Variants in STRN3 observed in about 807,000 individuals in gnomAD.
STRN3 encodes striatin-3.
In STRN3, 29 loss-of-function variants were observed where a neutral mutation model predicts 95.6. The ratio of observed to expected loss-of-function variants is 0.30; its 90% confidence interval spans 0.23 to 0.41. The LOEUF (loss-of-function observed/expected upper bound fraction) is 0.41. Among genes scored for constraint, STRN3 ranks in the 10% least tolerant of loss-of-function variants. The probability of loss-of-function intolerance (pLI) is 1.00; values close to 1 mark genes in which losing one functional copy is unlikely to be tolerated. For missense variants in STRN3, 890 were observed against 972.1 expected (o/e 0.92, Z 1.12); for synonymous variants, 331 against 357.6 (o/e 0.93, Z 0.84).
intron 9 of STRN3, among the ~76,000 whole-genome samples, chr14:30,917,539 C>T (rs1176604648): frequency 1.4e-5 from 2 of 148,038 alleles, no homozygotes; most frequent in Non-Finnish European, 3.0e-5. Flanking sequence ...AAAATCACCA[C>T]TAAATGCATA....
At chr14:30,953,757 A>G (rs776154496) in intron 3 of STRN3, among the ~76,000 whole-genome samples, 6 of 152,064 alleles carry the variant, frequency 3.9e-5, no homozygotes, top group South Asian at 2.1e-4. Context: ...AGCCCCCTAA[A>G]TAGCTGGGAC....
chr14:30,957,225 C>T (rs1305245936), intron 1 of STRN3, among the ~76,000 whole-genome samples: 1 of 152,072 alleles, frequency 6.6e-6, no homozygotes, highest in East Asian at 1.9e-4. Context: ...GAGGCCGAGG[C>T]GGGTGGATCA....
intron 5 of STRN3, among the ~76,000 whole-genome samples, chr14:30,938,803 AT>A (rs1413127090): frequency 6.6e-6 from 1 of 152,214 alleles, no homozygotes; most frequent in Non-Finnish European, 1.5e-5. Context: ...ATGGGGAAAT[AT>A]TTCAAATAGA....
chr14:30,949,938 T>C (rs1325355446), intron 4 of STRN3, among the ~76,000 whole-genome samples: 1 of 152,134 alleles, frequency 6.6e-6, no homozygotes, highest in Admixed American at 6.6e-5. Context: ...CTGTAGTTTT[T>C]ATCCAAGAGT....
chr14:30,966,670 C>T (rs1880526159), intron 1 of STRN3, among the ~76,000 whole-genome samples: 1 of 152,176 alleles, frequency 6.6e-6, no homozygotes, highest in Non-Finnish European at 1.5e-5. Context: ...TGGTCAAATT[C>T]TGGAGGGCTA....
At chr14:30,904,962 A>T (rs75742013) in intron 15 of STRN3, among the ~76,000 whole-genome samples, 18 of 105,386 alleles carry the variant, frequency 1.7e-4, no homozygotes, top group African/African-American at 6.9e-4. Flanking sequence ...TTCGTCAATT[A>T]AAAAAAAAAA....
At chr14:30,947,902 T>C (rs1185525826) in intron 4 of STRN3, among the ~76,000 whole-genome samples, 2 of 152,124 alleles carry the variant, frequency 1.3e-5, no homozygotes, top group East Asian at 3.8e-4. Flanking sequence ...TTGTGAATGG[T>C]TCTGTGACAA....
intron 9 of STRN3, among the ~76,000 whole-genome samples, chr14:30,918,036 T>C (rs1896784118): frequency 6.6e-6 from 1 of 152,150 alleles, no homozygotes; most frequent in Admixed American, 6.5e-5. Flanking sequence ...AAATCAATTT[T>C]GGAAAAAATG....
intron 8 of STRN3, among the ~76,000 whole-genome samples, chr14:30,924,011 C>G (rs938983409): frequency 5.9e-5 from 9 of 151,756 alleles, no homozygotes; most frequent in Non-Finnish European, 1.3e-4. Context: ...TTAATTCAAG[C>G]TCCTCCCAAA....
At chr14:30,903,267 C>CATAT (rs1281191893) in intron 15 of STRN3, among the ~76,000 whole-genome samples, 2 of 150,948 alleles carry the variant, frequency 1.3e-5, no homozygotes, top group Admixed American at 6.6e-5. Flanking sequence ...ATAAAAAATA[C>CATAT]ATATATATAT....
At chr14:30,952,530 T>C (rs981450518) in intron 3 of STRN3, among the ~76,000 whole-genome samples, 8 of 151,796 alleles carry the variant, frequency 5.3e-5, no homozygotes, top group Admixed American at 3.3e-4. Flanking sequence ...CAAAACCTCA[T>C]CTCTACAAAA....
At chr14:30,924,838 C>T (rs1896981666) in intron 8 of STRN3, among the ~76,000 whole-genome samples, 1 of 152,050 alleles carries the variant, frequency 6.6e-6, no homozygotes, top group Non-Finnish European at 1.5e-5. Context: ...AGCAGAGTGA[C>T]AGCCTGTCTC....
chr14:30,940,676 A>C (rs1194508971), intron 5 of STRN3, among the ~76,000 whole-genome samples: 1 of 152,198 alleles, frequency 6.6e-6, no homozygotes, highest in East Asian at 1.9e-4. Context: ...AATCCTTTCA[A>C]TCTGGAAACA....
intron 1 of STRN3, among the ~76,000 whole-genome samples, chr14:30,958,137 A>G (rs1424922876): frequency 1.3e-5 from 2 of 152,164 alleles, no homozygotes; most frequent in Non-Finnish European, 2.9e-5. Flanking sequence ...AGACAGCGAG[A>G]CCCTGTTTGT....
chr14:30,926,751 C>G (rs1878200079), intron 8 of STRN3, among the ~76,000 whole-genome samples: 1 of 151,768 alleles, frequency 6.6e-6, no homozygotes, highest in Admixed American at 6.6e-5. Context: ...GTGGAATGGG[C>G]TGAATAACAG....
intron 1 of STRN3, among the ~76,000 whole-genome samples, chr14:31,000,811 C>T (rs1882412358): frequency 6.6e-6 from 1 of 150,524 alleles, no homozygotes; most frequent in South Asian, 2.1e-4. Context: ...GTGGCTGGCA[C>T]ACAGCAGGGG....
chr14:31,020,882 G>C (rs890090570), intron 1 of STRN3, among the ~76,000 whole-genome samples: 1 of 151,978 alleles, frequency 6.6e-6, no homozygotes, highest in Non-Finnish European at 1.5e-5. Flanking sequence ...CTCCAGCCTC[G>C]GCAACAGAGT....
At chr14:30,947,594 T>C (rs1199674508) in intron 4 of STRN3, among the ~76,000 whole-genome samples, 3 of 151,956 alleles carry the variant, frequency 2.0e-5, no homozygotes, top group African/African-American at 7.2e-5. Context: ...CACATTGTTT[T>C]TAATTTACAC....
chr14:30,895,766 G>T lies in STRN3; in HGVS notation c.2138-18C>A. Reference sequence around the variant, plus strand: ...CATTTTACCTAAACAAAACATAACAGAGAACTGATTAAGTTTTCACAAATA... The same window carrying T: ...CATTTTACCTAAACAAAACATAACATAGAACTGATTAAGTTTTCACAAATA... On this transcript the variant is annotated intron_variant, in intron 16 of 17. Transcript: ENST00000357479. The T allele has an allele frequency of 6.3e-7, 1 of 1,595,882 alleles. No individual in the cohort carries two copies. Among genetic ancestry groups the T allele is most frequent in the Non-Finnish European group, 8.5e-7 (1 of 1,172,304 alleles).
Sources: gnomAD v4.1 joint callset for allele counts (sites outside exome capture counted in the v4.1 genomes callset) on GRCh38, gnomAD v4.1.1 for gene constraint, MANE v1.5 for transcripts, NCBI Gene and HGNC (gene_info 2026-07-23, HGNC 2026-07-21) for gene names.